The following UST variants were observed in gnomAD, a reference collection of about 807,000 sequenced individuals.
UST encodes the protein chondroitin sulfate 2-O-sulfotransferase.
UST carries 21 observed loss-of-function variants against 45.6 expected under a neutral mutation model. That is an observed-to-expected ratio of 0.46 (90% CI 0.33 to 0.66). UST has a LOEUF of 0.66. UST is among the 30% of genes least tolerant of loss of function. UST has a pLI of 0.02. For synonymous variants in UST, 215 were observed against 200.6 expected, an observed-to-expected ratio of 1.07 and a Z score of -0.61; for missense variants, 463 against 512.4, an observed-to-expected ratio of 0.90 and a Z score of 0.93.
intron 1 of UST, among the ~76,000 whole-genome samples, chr6:148,823,422 T>C (rs992077683): frequency 1.3e-5 from 2 of 152,206 alleles, no homozygotes; most frequent in Non-Finnish European, 2.9e-5. Flanking sequence ...AAATCAATAG[T>C]AATCTGATTG....
chr6:148,838,020 G>T (rs1777821143), intron 1 of UST, among the ~76,000 whole-genome samples: 1 of 152,174 alleles, frequency 6.6e-6, no homozygotes, highest in African/African-American at 2.4e-5. Context: ...TCTTGGAGGG[G>T]GAAGGTAATA....
chr6:148,883,263 C>T (rs1778856365), intron 1 of UST, among the ~76,000 whole-genome samples: 1 of 152,188 alleles, frequency 6.6e-6, no homozygotes, highest in African/African-American at 2.4e-5. Context: ...TGCCATAGGA[C>T]TTAGACCAAT....
chr6:149,062,743 A>G (rs13190879), intron 7 of UST, among the ~76,000 whole-genome samples: 45,938 of 152,138 alleles, frequency 0.3, 7,459 homozygotes, highest in Non-Finnish European at 0.36. Flanking sequence ...CCCACTTTCC[A>G]GTGCTTGGAC....
At chr6:148,854,288 A>G (rs1449237759) in intron 1 of UST, among the ~76,000 whole-genome samples, 2 of 152,202 alleles carry the variant, frequency 1.3e-5, no homozygotes, top group African/African-American at 2.4e-5. Context: ...GTTCATTGTG[A>G]GCACACAGAA....
intron 7 of UST, among the ~76,000 whole-genome samples, chr6:149,035,600 A>G (rs1384612976): frequency 3.3e-5 from 5 of 152,060 alleles, no homozygotes; most frequent in African/African-American, 7.2e-5. Context: ...CAAAAAAAAA[A>G]TACAAAAATT....
At chr6:149,026,170 G>A (rs1354176832) in intron 7 of UST, among the ~76,000 whole-genome samples, 1 of 149,706 alleles carries the variant, frequency 6.7e-6, no homozygotes, top group Non-Finnish European at 1.5e-5. Flanking sequence ...AAAAAAACAG[G>A]CCTGATGGCA....
intron 1 of UST, among the ~76,000 whole-genome samples, chr6:148,814,542 C>T (rs1011273751): frequency 5.9e-5 from 9 of 152,042 alleles, no homozygotes; most frequent in African/African-American, 9.7e-5. Flanking sequence ...TTATGACACC[C>T]GATGCCTGAA....
At position 148,989,907 on chromosome 6, in the gene UST, C is replaced by G. The variant is rs141491401; in HGVS notation, c.681+25344C>G. Among the ~76,000 whole-genome samples the G allele has an allele frequency of 6.6e-5, 10 of 152,290 alleles. No individual in the cohort carries two copies. The East Asian group carries it at 1.9e-3, about 29-fold the overall frequency. Reference sequence around the variant, plus strand: ...GTTTTCCTTTGTTCATTCCATCCCTCCCCATTTGGAATTTAGATGGAAGAA... The same window carrying G: ...GTTTTCCTTTGTTCATTCCATCCCTGCCCATTTGGAATTTAGATGGAAGAA... On this transcript the variant is annotated intron_variant, in intron 5 of 7. Transcript: ENST00000367463.
In UST at chr6:149,049,781, G is replaced by A. The variant is rs528025262; in HGVS notation, c.938-24052G>A. Among the ~76,000 whole-genome samples, 47 of 152,166 alleles carry A rather than the reference G, an allele frequency of 3.1e-4. 1 individual carries two copies. In the South Asian group the frequency reaches 4.4e-3, roughly 14 times the overall value. On this transcript the variant is annotated intron_variant, in intron 7 of 7. Transcript: ENST00000367463. ...CAGTTGTGTGCACACAAAATCCTGG[G>A]TTCCACTTTTTGTCCCTTTACCAGC...
intron 5 of UST, among the ~76,000 whole-genome samples, chr6:148,970,907 G>A (rs1388839246): frequency 2.0e-5 from 3 of 152,134 alleles, no homozygotes; most frequent in Non-Finnish European, 4.4e-5. Context: ...CCGATAATCC[G>A]GCATAGTGTC....
chr6:148,761,721 A>T (rs1000522136), intron 1 of UST, among the ~76,000 whole-genome samples: 1 of 152,260 alleles, frequency 6.6e-6, no homozygotes, highest in African/African-American at 2.4e-5. Flanking sequence ...TGGCCCGGGG[A>T]TTGTGGTGTG....
At position 148,846,130 on chromosome 6, in the gene UST, A is replaced by G. The variant is rs573649592; in HGVS notation, c.248-40856A>G. 6.0e-5 allele frequency among the ~76,000 whole-genome samples: 9 copies of G among 151,234 alleles called. No individual in the cohort carries two copies. In the East Asian group the frequency reaches 9.7e-4, roughly 16 times the overall value. On this transcript the variant is annotated intron_variant, in intron 1 of 7. Coordinates refer to ENST00000367463, the MANE Select transcript of UST (RefSeq NM_005715.3). ...CCAAAGGACTACAAATCATGCTGCTATAAAGACACATGCACACGTATGTTT... is the reference window on the plus strand; with the variant it reads ...CCAAAGGACTACAAATCATGCTGCTGTAAAGACACATGCACACGTATGTTT...
intron 5 of UST, among the ~76,000 whole-genome samples, chr6:149,018,746 C>A (rs933711304): frequency 6.6e-6 from 1 of 152,126 alleles, no homozygotes; most frequent in African/African-American, 2.4e-5. Context: ...ACAGAGAAGC[C>A]CTAAATTCAT....
At chr6:149,010,690 C>T (rs1775791210) in intron 5 of UST, among the ~76,000 whole-genome samples, 1 of 151,840 alleles carries the variant, frequency 6.6e-6, no homozygotes, top group Non-Finnish European at 1.5e-5. Flanking sequence ...GTCAGGAGTT[C>T]AAGACCAGCC....
In UST at chr6:148,771,683, G is replaced by A. The variant is rs73781501; in HGVS notation, c.247+24006G>A. Among the ~76,000 whole-genome samples, 1,113 of 152,266 alleles carry A rather than the reference G, an allele frequency of 7.3e-3. 18 individuals carry two copies. Among genetic ancestry groups the A allele is most frequent in the African/African-American group, 0.025 (1,054 of 41,546 alleles). On this transcript the variant is annotated intron_variant, in intron 1 of 7. Transcript: ENST00000367463. ...GATGAAGAAGAAAACAGCTCTAACA[G>A]GTGCTCCATGCCCCAACTGAGCCTG...
At chr6:148,887,085 T>A in intron 2 of UST, 56 bp downstream of exon 2, 1 of 1,373,250 alleles carries the variant, frequency 7.3e-7, no homozygotes, top group Non-Finnish European at 1.0e-6. Context: ...ACTTACAGCC[T>A]CCAACAAGCA....
chr6:148,949,849 G>A (rs1780329844), intron 3 of UST, among the ~76,000 whole-genome samples: 1 of 152,138 alleles, frequency 6.6e-6, no homozygotes, highest in Non-Finnish European at 1.5e-5. Context: ...AATGTAGAAA[G>A]TGCATGTCCT....
intron 7 of UST, among the ~76,000 whole-genome samples, chr6:149,048,968 T>C (rs1776435289): frequency 6.6e-6 from 1 of 152,176 alleles, no homozygotes; most frequent in Non-Finnish European, 1.5e-5. Context: ...TAGTGATACA[T>C]CTTAAAAGCC....
intron 5 of UST, among the ~76,000 whole-genome samples, chr6:149,002,295 A>T (rs1235681763): frequency 6.6e-6 from 1 of 152,190 alleles, no homozygotes; most frequent in Non-Finnish European, 1.5e-5. Context: ...AAGAATAGCA[A>T]ATTTTAAAAA....
Sources: allele counts gnomAD v4.1 joint callset (sites outside exome capture counted in the v4.1 genomes callset), GRCh38; gene constraint gnomAD v4.1.1; transcripts MANE v1.5; gene names NCBI Gene and HGNC (gene_info 2026-07-23, HGNC 2026-07-21).